Variants in MYH10 observed in about 807,000 individuals in gnomAD.
MYH10 encodes myosin-10.
In MYH10, 55 loss-of-function variants were observed where a neutral mutation model predicts 257.8. The observed-to-expected ratio is 0.21, with a 90% CI of 0.17 to 0.27. MYH10 has a LOEUF of 0.27. Among genes scored for constraint, MYH10 ranks in the 10% least tolerant of loss-of-function variants. MYH10 has a pLI of 1.00. For missense variants in MYH10, 1,631 were observed against 2,500.6 expected (o/e 0.65, Z 7.42); for synonymous variants, 854 against 921.7 (o/e 0.93, Z 1.33).
At chr17:8,577,736 T>C (rs1210155205) in intron 4 of MYH10, among the ~76,000 whole-genome samples, 1 of 152,206 alleles carries the variant, frequency 6.6e-6, no homozygotes, top group Admixed American at 6.5e-5. Flanking sequence ...TTCACCATGT[T>C]GGCCAGGCTG....
chr17:8,480,735 G>C (rs2151774363), intron 38 of MYH10: 1 of 637,072 alleles, frequency 1.6e-6, no homozygotes, highest in South Asian at 1.8e-5. Context: ...CCAGATGCAG[G>C]CCTGTCATCT....
At chr17:8,494,120 G>A (rs1321192327) in intron 31 of MYH10, among the ~76,000 whole-genome samples, 1 of 152,116 alleles carries the variant, frequency 6.6e-6, no homozygotes, top group Non-Finnish European at 1.5e-5. Flanking sequence ...CATCCACCCA[G>A]GGGCCCAGGC....
intron 11 of MYH10, among the ~76,000 whole-genome samples, chr17:8,546,960 A>G (rs1348800825): frequency 6.6e-6 from 1 of 152,116 alleles, no homozygotes; most frequent in Non-Finnish European, 1.5e-5. Context: ...TGTAGTGGCT[A>G]TTCACAGGCA....
chr17:8,598,855 T>C (rs559806236), intron 3 of MYH10, among the ~76,000 whole-genome samples: 2 of 152,196 alleles, frequency 1.3e-5, no homozygotes, highest in African/African-American at 4.8e-5. Context: ...TATAGAAGCA[T>C]GCCACCACAT....
At chr17:8,548,585 C>T in intron 10 of MYH10, 59 bp downstream of exon 10, 1 of 1,572,688 alleles carries the variant, frequency 6.4e-7, no homozygotes, top group Non-Finnish European at 8.7e-7. Context: ...AGGTGATTTA[C>T]CCCAGATGTA....
intron 4 of MYH10, among the ~76,000 whole-genome samples, chr17:8,587,076 G>A (rs1463461415): frequency 1.3e-5 from 2 of 152,142 alleles, no homozygotes; most frequent in Non-Finnish European, 2.9e-5. Flanking sequence ...GTTGAACGCT[G>A]CTACCACGTT....
At chr17:8,484,004 T>C (rs1275991673) in intron 37 of MYH10, 134 bp downstream of exon 37, 3 of 744,564 alleles carry the variant, frequency 4.0e-6, no homozygotes, top group East Asian at 3.0e-5. Flanking sequence ...TAAAAATGGA[T>C]ACTTAAAAAA....
chr17:8,626,580 A>T (rs76970469), intron 1 of MYH10, among the ~76,000 whole-genome samples: 1,063 of 75,416 alleles, frequency 0.014, 11 homozygotes, highest in African/African-American at 0.031. Flanking sequence ...ATAATAATAA[A>T]TAATAATAAT....
In MYH10 at chr17:8,493,954, A is replaced by G. The variant is rs548442056; in HGVS notation, c.4057-69T>C. The G allele has an allele frequency of 2.0e-6, 3 of 1,512,028 alleles. No homozygotes were observed. The South Asian group carries it at 3.9e-5, about 20-fold the overall frequency. The allele number at this position is 1,512,028 out of a possible 1,614,324, so 93.7% of individuals were successfully genotyped here. ...ACCAAAACAAATACACCTGTATTAA[A>G]GAATTCATGTCGTACAAAAGAGACA... On this transcript the variant is annotated intron_variant, in intron 31 of 42. Coordinates refer to ENST00000360416, the MANE Select transcript of MYH10 (RefSeq NM_001256012.3).
intron 27 of MYH10, among the ~76,000 whole-genome samples, chr17:8,505,481 G>C (rs531537761): frequency 6.6e-6 from 1 of 152,168 alleles, no homozygotes; most frequent in African/African-American, 2.4e-5. Flanking sequence ...GATTTTTCTT[G>C]AAAGATTTTG....
At position 8,493,730 on chromosome 17, in the gene MYH10, C is replaced by T; in HGVS notation, c.4209+3G>A. ...ACCGCGGCCTCCTAAAGAGGACGCA[C>T]ACCTGGGACTGCAGGGCCAGCACTT... is the stretch of plus-strand genomic sequence containing the variant. On this transcript the variant is annotated splice_donor_region_variant and intron_variant, in intron 32 of 42. Coordinates refer to ENST00000360416, the MANE Select transcript of MYH10 (RefSeq NM_001256012.3). 1 of 1,612,242 alleles carries T rather than the reference C, an allele frequency of 6.2e-7. No individual in the cohort carries two copies. The highest frequency in any genetic ancestry group is 8.5e-7 in the Non-Finnish European group (1 of 1,179,288).
chr17:8,607,598 A>G (rs2084859721), intron 2 of MYH10, among the ~76,000 whole-genome samples: 1 of 152,236 alleles, frequency 6.6e-6, no homozygotes, highest in Non-Finnish European at 1.5e-5. Context: ...TCTTGTATAA[A>G]CTGATCACTG....
chr17:8,538,456 C>T (rs928925755), intron 14 of MYH10, among the ~76,000 whole-genome samples: 9 of 152,326 alleles, frequency 5.9e-5, no homozygotes, highest in Middle Eastern at 3.4e-3. Context: ...GTGATCTGCC[C>T]GCCTTGGCCT....
At chr17:8,548,525 C>G in intron 10 of MYH10, 117 bp from the exon 11 acceptor site, 1 of 1,434,288 alleles carries the variant, frequency 7.0e-7, no homozygotes, top group African/African-American at 1.4e-5. Flanking sequence ...TAAGACATGT[C>G]TTTTCAGGAT....
Position 8,504,684 on chromosome 17 carries a change from C to T in MYH10, c.3599+10G>A, listed in dbSNP as rs1397023601. 6.2e-7 allele frequency: 1 copy of T among 1,612,952 alleles called. No individual in the cohort carries two copies. The highest frequency in any genetic ancestry group is 8.5e-7 in the Non-Finnish European group (1 of 1,179,710). On this transcript the variant is annotated intron_variant, in intron 28 of 42. Transcript: ENST00000360416. The surrounding 1 kb of genome is among the most constrained non-coding windows in gnomAD (Gnocchi z 5.6). The stretch of plus-strand genomic sequence containing the variant: ...AGGCGCCCGGGCCCTGCTTCCTCTC[C>T]CACACTCACCGTAGTTCCTGCTGGG...
At chr17:8,616,144 A>ATGG (rs1371139107) in intron 2 of MYH10, among the ~76,000 whole-genome samples, 3 of 152,110 alleles carry the variant, frequency 2.0e-5, no homozygotes, top group African/African-American at 7.2e-5. Flanking sequence ...TCAGCCAGGC[A>ATGG]TGGTGGTACA....
intron 35 of MYH10, among the ~76,000 whole-genome samples, chr17:8,489,839 C>T (rs891299736): frequency 1.3e-5 from 2 of 152,080 alleles, no homozygotes; most frequent in Admixed American, 6.5e-5. Flanking sequence ...AGAAATTTAA[C>T]ATATATGCAG....
intron 19 of MYH10, among the ~76,000 whole-genome samples, 187 bp from the exon 20 acceptor site, chr17:8,519,137 A>G (rs139283310): frequency 1.7e-4 from 26 of 152,382 alleles, no homozygotes; most frequent in African/African-American, 5.3e-4. Context: ...TTTATTTCTC[A>G]TAAGTAAAAA....
intron 35 of MYH10, among the ~76,000 whole-genome samples, chr17:8,489,996 C>T (rs754305792): frequency 7.9e-5 from 12 of 152,026 alleles, no homozygotes; most frequent in Non-Finnish European, 1.5e-4. Context: ...AGACATCTGC[C>T]GAATCACCGT....
Sources: gnomAD v4.1 joint callset for allele counts (sites outside exome capture counted in the v4.1 genomes callset) on GRCh38, gnomAD v4.1.1 for gene constraint, Gnocchi (gnomAD v3.1) non-coding constraint, MANE v1.5 for transcripts, NCBI Gene and HGNC (gene_info 2026-07-23, HGNC 2026-07-21) for gene names.